The following RGS3 variants were observed in gnomAD, a reference collection of about 807,000 sequenced individuals.
RGS3 encodes regulator of G protein signaling 3.
RGS3 carries 80 observed loss-of-function variants against 132.6 expected under a neutral mutation model. That is an observed-to-expected ratio of 0.60 (90% confidence interval 0.50 to 0.73). The LOEUF (loss-of-function observed/expected upper bound fraction) is 0.73, where lower values mean the gene tolerates loss of function less well. Ranked by LOEUF, RGS3 falls within the 30% of genes least tolerant of loss-of-function variation. RGS3 has a pLI of 0.00. For synonymous variants in RGS3, 598 were observed against 620.6 expected (o/e 0.96, Z 0.54); for missense variants, 1,382 against 1,530.8 (o/e 0.90, Z 1.62).
chr9:113,485,371 G>A (rs1830300657), intron 6 of RGS3, among the ~76,000 whole-genome samples: 1 of 152,208 alleles, frequency 6.6e-6, no homozygotes, highest in Non-Finnish European at 1.5e-5. Flanking sequence ...TTACAGGCAT[G>A]AGCCACTGTG....
Position 113,592,341 on chromosome 9 carries a change from T to A in RGS3, c.3080+944T>A, listed in dbSNP as rs190042334. On this transcript the variant is annotated intron_variant, in intron 21 of 24. Transcript: ENST00000350696. ...TAACCTTTTGTAGGATGAGAGAGGA[T>A]CCAGGGGGTGCCAGGACTGTTGAAT... is the stretch of plus-strand genomic sequence containing the variant. The A allele has an allele frequency of 6.2e-4, 95 of 152,358 alleles. 1 individual carries two copies. The highest frequency in any genetic ancestry group is 2.3e-3 in the African/African-American group (94 of 41,562). 9.4% of individuals were successfully genotyped at this position (152,358 alleles called of 1,614,324 possible).
chr9:113,461,630 C>A, intron 1 of RGS3: 1 of 1,428,094 alleles, frequency 7.0e-7, no homozygotes, highest in Non-Finnish European at 9.6e-7. Context: ...CAGGAGGGGA[C>A]CTACAAAGCA....
At chr9:113,590,388 T>C (rs1476311153) in intron 20 of RGS3, among the ~76,000 whole-genome samples, 11 of 101,340 alleles carry the variant, frequency 1.1e-4, no homozygotes, top group Middle Eastern at 0.014. Flanking sequence ...CACCCATGCA[T>C]TCATCTACCA....
intron 19 of RGS3, among the ~76,000 whole-genome samples, chr9:113,557,227 G>A (rs1401428427): frequency 1.3e-5 from 2 of 152,212 alleles, no homozygotes; most frequent in African/African-American, 4.8e-5. Context: ...TCAGAGCCTT[G>A]AGCAATGTCA....
At chr9:113,514,397 G>A in intron 14 of RGS3, 61 bp from the exon 13 acceptor site, 4 of 1,443,528 alleles carry the variant, frequency 2.8e-6, no homozygotes, top group South Asian at 2.5e-5. Flanking sequence ...TGTTTCTACA[G>A]AGGGGACACC....
intron 19 of RGS3, among the ~76,000 whole-genome samples, chr9:113,560,976 C>T (rs1168429682): frequency 6.6e-6 from 1 of 152,180 alleles, no homozygotes; most frequent in Non-Finnish European, 1.5e-5. Context: ...CTCTGAAGTG[C>T]TCTGGAATTC....
chr9:113,490,167 G>A (rs1830462860), intron 7 of RGS3, among the ~76,000 whole-genome samples: 1 of 152,176 alleles, frequency 6.6e-6, no homozygotes, highest in South Asian at 2.1e-4. Flanking sequence ...GATCACTAAT[G>A]TTTCTTTCAG....
chr9:113,458,740 T>C (rs1044649247), upstream of RGS3, among the ~76,000 whole-genome samples: 1 of 152,128 alleles, frequency 6.6e-6, no homozygotes, highest in Non-Finnish European at 1.5e-5. Flanking sequence ...ATCTGCTCTA[T>C]TGTATATTTT....
chr9:113,446,891 A>G (rs1217869546), intron 1 of RGS3, among the ~76,000 whole-genome samples: 1 of 152,168 alleles, frequency 6.6e-6, no homozygotes, highest in Non-Finnish European at 1.5e-5. Flanking sequence ...AAGGGCAGAA[A>G]TATCAAAAGT....
chr9:113,545,618 C>CTTCAGGGGCTAAAAAAAACAATA, intron 19 of RGS3, among the ~76,000 whole-genome samples: 1 of 152,160 alleles, frequency 6.6e-6, no homozygotes, highest in African/African-American at 2.4e-5. Flanking sequence ...ATCCTGTCTT[C>CTTCAGGGGCTAAAAAAAACAATA]GCCTTCTCTT....
chr9:113,446,024 G>A (rs2119131817), intron 1 of RGS3, among the ~76,000 whole-genome samples: 1 of 152,276 alleles, frequency 6.6e-6, no homozygotes, highest in South Asian at 2.1e-4. Context: ...GGGAGGGAGT[G>A]AGGGTTTCAT....
At chr9:113,584,746 G>A (rs1564611700) in intron 20 of RGS3, among the ~76,000 whole-genome samples, 4 of 152,212 alleles carry the variant, frequency 2.6e-5, no homozygotes, top group Admixed American at 2.6e-4. Context: ...ATAGTAGCTG[G>A]AGAAATAGAG....
chr9:113,582,541 C>G (rs1420304314), intron 19 of RGS3: 1 of 152,238 alleles, frequency 6.6e-6, no homozygotes, highest in Non-Finnish European at 1.5e-5. Flanking sequence ...GGGCCCACCC[C>G]AGACTTGAGA....
chr9:113,578,763 G>A (rs904910826), intron 19 of RGS3, among the ~76,000 whole-genome samples: 2 of 152,350 alleles, frequency 1.3e-5, no homozygotes, highest in East Asian at 1.9e-4. Context: ...CATCTTGAAA[G>A]CCTGGGGGTC....
chr9:113,455,966 C>T (rs574967273), upstream of RGS3, among the ~76,000 whole-genome samples: 46 of 152,200 alleles, frequency 3.0e-4, no homozygotes, highest in African/African-American at 1.1e-3. Context: ...GAAGTTGTTG[C>T]CCCCCAGCAT....
chr9:113,489,651 G>A (rs986147382), intron 7 of RGS3, among the ~76,000 whole-genome samples: 17 of 151,870 alleles, frequency 1.1e-4, no homozygotes, highest in Non-Finnish European at 2.2e-4. Context: ...AGCCTCCTGA[G>A]TAGCTGGGAC....
intron 3 of RGS3, among the ~76,000 whole-genome samples, chr9:113,475,923 T>C (rs1008028619): frequency 3.9e-5 from 6 of 152,070 alleles, no homozygotes; most frequent in Admixed American, 6.6e-5. Flanking sequence ...GCCCTCTATT[T>C]TTTTTCTTTT....
upstream of RGS3, among the ~76,000 whole-genome samples, chr9:113,456,941 A>G (rs1829375272): frequency 6.6e-6 from 1 of 152,148 alleles, no homozygotes; most frequent in Non-Finnish European, 1.5e-5. Context: ...CTGGGATTAC[A>G]GGCATGCGCC....
chr9:113,472,426 A>G (rs1020084137), intron 3 of RGS3, among the ~76,000 whole-genome samples: 2 of 152,256 alleles, frequency 1.3e-5, no homozygotes, highest in African/African-American at 4.8e-5. Context: ...ATACAATGGA[A>G]TATTATTTGG....
Sources: allele counts gnomAD v4.1 joint callset (sites outside exome capture counted in the v4.1 genomes callset), GRCh38; gene constraint gnomAD v4.1.1; transcripts MANE v1.5; gene names NCBI Gene and HGNC (gene_info 2026-07-23, HGNC 2026-07-21).